Variants in CSMD1 observed in about 807,000 individuals in gnomAD.
The protein encoded by CSMD1 is CUB and sushi domain-containing protein 1.
A neutral mutation model predicts 417.5 loss-of-function variants in CSMD1; 213 were observed. The observed-to-expected ratio is 0.51, with a 90% CI of 0.46 to 0.57. CSMD1 has a LOEUF of 0.57. Among genes scored for constraint, CSMD1 ranks in the 20% least tolerant of loss-of-function variants. CSMD1 has a pLI of 0.00. For missense variants in CSMD1, 6,923 were observed against 4,529.7 expected (o/e 1.53, Z -15.17); for synonymous variants, 2,862 against 1,736.8 (o/e 1.65, Z -16.11).
chr8:3,718,474 G>A (rs971888877), intron 6 of CSMD1, among the ~76,000 whole-genome samples: 1 of 152,132 alleles, frequency 6.6e-6, no homozygotes, highest in African/African-American at 2.4e-5. Context: ...TTTTGCACCA[G>A]GAAAGACAGA....
chr8:3,218,765 G>C (rs1241743452), intron 29 of CSMD1, among the ~76,000 whole-genome samples: 1 of 151,776 alleles, frequency 6.6e-6, no homozygotes, highest in Non-Finnish European at 1.5e-5. Context: ...CCAGCTACTC[G>C]GGGGGCTGAG....
chr8:4,068,630 T>A (rs1217612165), intron 3 of CSMD1, among the ~76,000 whole-genome samples: 4 of 152,168 alleles, frequency 2.6e-5, no homozygotes, highest in African/African-American at 9.7e-5. Flanking sequence ...AATGTTACCA[T>A]ATCAGTGGAA....
chr8:2,979,734 G>A (rs907192147), intron 54 of CSMD1, among the ~76,000 whole-genome samples: 2 of 152,206 alleles, frequency 1.3e-5, no homozygotes, highest in African/African-American at 4.8e-5. Context: ...AAGGCTTACA[G>A]TGTTCCCTTT....
At position 3,970,472 on chromosome 8, in the gene CSMD1, C is replaced by T. The variant is rs566476993; in HGVS notation, c.818+27431G>A. Among the ~76,000 whole-genome samples the T allele has an allele frequency of 3.3e-5, 5 of 152,248 alleles. No homozygotes were observed. In the East Asian group the frequency reaches 9.7e-4, roughly 29 times the overall value. The stretch of plus-strand genomic sequence containing the variant: ...AGAAACTCTTGTCTCTTCTGTAAAC[C>T]AGAAGAAATTATGAGAATGTTCACA... On this transcript the variant is annotated intron_variant, in intron 5 of 69. Transcript: ENST00000635120.
intron 1 of CSMD1, among the ~76,000 whole-genome samples, chr8:4,837,244 G>T (rs1191613605): frequency 6.8e-6 from 1 of 147,566 alleles, no homozygotes; most frequent in Non-Finnish European, 1.5e-5. Flanking sequence ...CATCTAGTTG[G>T]GCATATACCC....
intron 3 of CSMD1, among the ~76,000 whole-genome samples, chr8:4,136,737 G>C (rs1192448036): frequency 1.3e-5 from 2 of 152,274 alleles, no homozygotes; most frequent in East Asian, 3.9e-4. Context: ...AACGGCTCTT[G>C]AAAGGTGTGC....
intron 24 of CSMD1, 86 bp downstream of exon 24, chr8:3,308,226 T>G: frequency 9.6e-7 from 1 of 1,046,678 alleles, no homozygotes; most frequent in Non-Finnish European, 1.4e-6. Context: ...TTCCTCCTCT[T>G]TTCCAATAAA....
At chr8:3,325,518 T>C (rs1013937757) in intron 23 of CSMD1, among the ~76,000 whole-genome samples, 2 of 152,184 alleles carry the variant, frequency 1.3e-5, no homozygotes, top group African/African-American at 2.4e-5. Context: ...TTAGTTCCAC[T>C]TGATGAAAGT....
intron 3 of CSMD1, among the ~76,000 whole-genome samples, chr8:4,146,652 C>G (rs1293238559): frequency 4.3e-5 from 5 of 116,556 alleles, no homozygotes; most frequent in African/African-American, 6.9e-5. Context: ...CGATCCGTCC[C>G]CCAGGCTGGA....
chr8:4,027,277 G>T (rs1251171399), intron 4 of CSMD1, among the ~76,000 whole-genome samples: 1 of 152,180 alleles, frequency 6.6e-6, no homozygotes, highest in Non-Finnish European at 1.5e-5. Flanking sequence ...GATGAAGATG[G>T]ATGTTAGGAG....
intron 2 of CSMD1, among the ~76,000 whole-genome samples, chr8:4,449,101 G>A (rs1798982493): frequency 2.6e-5 from 4 of 152,234 alleles, no homozygotes; most frequent in South Asian, 4.1e-4. Context: ...TAGCTTAAGA[G>A]ATTTGCAAAA....
chr8:4,208,007 C>A (rs1568330), intron 3 of CSMD1, among the ~76,000 whole-genome samples: 68,826 of 151,950 alleles, frequency 0.45, 17,283 homozygotes, highest in Non-Finnish European at 0.55. Flanking sequence ...AAGTTTAAAA[C>A]CTAAAAGTCC....
intron 50 of CSMD1, among the ~76,000 whole-genome samples, chr8:3,030,085 T>G (rs961860415): frequency 6.6e-6 from 1 of 152,116 alleles, no homozygotes; most frequent in South Asian, 2.1e-4. Context: ...GGAGACCATC[T>G]ATTCATGTCC....
intron 10 of CSMD1, among the ~76,000 whole-genome samples, chr8:3,540,516 G>A (rs1197900080): frequency 6.6e-6 from 1 of 152,114 alleles, no homozygotes; most frequent in Non-Finnish European, 1.5e-5. Flanking sequence ...TACAACAAAA[G>A]TAAAAACTGA....
chr8:3,576,257 C>T (rs1337365607), intron 9 of CSMD1, among the ~76,000 whole-genome samples: 1 of 131,770 alleles, frequency 7.6e-6, no homozygotes, highest in Non-Finnish European at 1.6e-5. Context: ...TTCTCTCTTC[C>T]ATGCATGTCA....
At chr8:4,972,468 T>C (rs546739932) in intron 1 of CSMD1, among the ~76,000 whole-genome samples, 1 of 152,282 alleles carries the variant, frequency 6.6e-6, no homozygotes, top group Non-Finnish European at 1.5e-5. Flanking sequence ...GTGTTCATTC[T>C]CCTTCCTGCC....
intron 5 of CSMD1, among the ~76,000 whole-genome samples, chr8:3,889,234 A>C (rs1806777400): frequency 6.6e-6 from 1 of 151,818 alleles, no homozygotes; most frequent in Non-Finnish European, 1.5e-5. Context: ...CAAATTTAAT[A>C]ATGATAAATT....
intron 3 of CSMD1, among the ~76,000 whole-genome samples, chr8:4,199,801 G>A (rs1485151222): frequency 6.6e-6 from 1 of 152,024 alleles, no homozygotes; most frequent in East Asian, 1.9e-4. Context: ...TAGAAAATCG[G>A]ATGACTTTTG....
At chr8:3,901,976 G>A (rs957291645) in intron 5 of CSMD1, among the ~76,000 whole-genome samples, 1 of 152,080 alleles carries the variant, frequency 6.6e-6, no homozygotes, top group Non-Finnish European at 1.5e-5. Flanking sequence ...GCTTTAAATG[G>A]CTGTTTCTCT....
Sources: gnomAD v4.1 joint callset for allele counts (sites outside exome capture counted in the v4.1 genomes callset) on GRCh38, gnomAD v4.1.1 for gene constraint, MANE v1.5 for transcripts, NCBI Gene and HGNC (gene_info 2026-07-23, HGNC 2026-07-21) for gene names.